The following LRRC57 variants were observed in gnomAD, a reference collection of about 807,000 sequenced individuals.
The protein encoded by LRRC57 is leucine-rich repeat-containing protein 57.
A neutral mutation model predicts 23.1 loss-of-function variants in LRRC57; 14 were observed. That is an observed-to-expected ratio of 0.61 (90% confidence interval 0.40 to 0.95). The LOEUF is 0.95. LRRC57 is among the 40% of genes least tolerant of loss of function. LRRC57 has a pLI of 0.00. For synonymous variants in LRRC57, 106 were observed against 115.2 expected, an observed-to-expected ratio of 0.92 and a Z score of 0.51; for missense variants, 236 against 284.4, an observed-to-expected ratio of 0.83 and a Z score of 1.22.
At position 42,548,182 on chromosome 15, in the gene LRRC57, C is replaced by A. The variant is rs1595541055; in HGVS notation, c.147G>T (p.Lys49Asn). 1 of 1,614,232 alleles carries A rather than the reference C, an allele frequency of 6.2e-7. No homozygotes were observed. The highest frequency in any genetic ancestry group is 8.5e-7 in the Non-Finnish European group (1 of 1,180,042). ...NLRTIDLSNN[K>N]IESLPPLLIG... ...TCAGCAAAGGCGGTAGGCTTTCGAT[C>A]TTGTTGTTGGACAAGTCGATGGTCC... The change falls in exon 3 of 6, where the codon AAG becomes AAT. Residue 49 changes from lysine (K) to asparagine (N), a missense_variant. Transcript: ENST00000397130.
At chr15:42,531,375 A>C in the LRRC57 span, 2 of 1,405,118 alleles carry the variant, frequency 1.4e-6, no homozygotes, top group Non-Finnish European at 1.9e-6. Flanking sequence ...TATTAGAGTT[A>C]CTTACCTTGT....
rs1222041847 is a variant in LRRC57 at position 42,540,197 on chromosome 15, A to AT, written c.*3885_*3886insA. The AT allele has an allele frequency of 6.6e-6, 1 of 150,522 alleles. No individual in the cohort carries two copies. Among genetic ancestry groups the AT allele is most frequent in the African/African-American group, 2.4e-5 (1 of 41,214 alleles). 9.3% of individuals were successfully genotyped at this position (150,522 alleles called of 1,614,324 possible). A position where few individuals can be genotyped will look rare whatever the true frequency, so the allele number is the denominator to read the frequency against. On this transcript the variant is annotated 3_prime_UTR_variant, in exon 6 of 6. Transcript: ENST00000397130. ...GGCAAGAGTGAGCCTCTGGACCAAAAAAAAAAAAAAAAAGGGCATTCCCAA... is the reference window on the plus strand; with the variant it reads ...GGCAAGAGTGAGCCTCTGGACCAAAATAAAAAAAAAAAAAGGGCATTCCCAA...
chr15:42,528,957 T>C, the LRRC57 span, among the ~76,000 whole-genome samples: 2 of 152,308 alleles, frequency 1.3e-5, no homozygotes, highest in South Asian at 2.1e-4. Flanking sequence ...TTCAGTACTT[T>C]CCAAATTATT....
At chr15:42,547,583 T>G in intron 3 of LRRC57, 54 bp from the exon 4 acceptor site, 1 of 1,511,942 alleles carries the variant, frequency 6.6e-7, no homozygotes, top group Non-Finnish European at 9.0e-7. Flanking sequence ...GAAAACAACT[T>G]TGATGAAGTT....
Position 42,541,387 on chromosome 15 carries a change from C to T in LRRC57, c.*2696G>A, listed in dbSNP as rs1330275864. On this transcript the variant is annotated 3_prime_UTR_variant, in exon 6 of 6. Transcript: ENST00000397130. The stretch of plus-strand genomic sequence containing the variant: ...GGTGTGGTGGTGCATGCCTGTAATC[C>T]CAATTACTCAGGAGAATGAGGCACA... 2 of 152,034 alleles carry T rather than the reference C, an allele frequency of 1.3e-5. No individual in the cohort carries two copies. The highest frequency in any genetic ancestry group is 4.8e-5 in the African/African-American group (2 of 41,362). The allele number at this position is 152,034 out of a possible 1,614,324, so 9.4% of individuals were successfully genotyped here. A position where few individuals can be genotyped will look rare whatever the true frequency, so the allele number is the denominator to read the frequency against.
chr15:42,548,027 A>C, intron 3 of LRRC57, 79 bp downstream of exon 3: 1 of 1,521,452 alleles, frequency 6.6e-7, no homozygotes, highest in Middle Eastern at 1.8e-4. Context: ...CATAACAAAA[A>C]CAAAAATCAG....
At chr15:42,547,235 G>T in intron 4 of LRRC57, 26 bp downstream of exon 4, 1 of 1,604,874 alleles carries the variant, frequency 6.2e-7, no homozygotes, top group Non-Finnish European at 8.5e-7. Context: ...ATATGCTGTA[G>T]GAAAAAAAAC....
At chr15:42,535,202 G>C (rs566830576), downstream of LRRC57, among the ~76,000 whole-genome samples, 52 of 152,308 alleles carry the variant, frequency 3.4e-4, no homozygotes, top group South Asian at 9.7e-3. Context: ...ATCAGCACTT[G>C]CTGCTTTATC....
At chr15:42,537,250 C>CACACACACACACACACAT (rs1566823899), downstream of LRRC57, among the ~76,000 whole-genome samples, 1 of 151,436 alleles carries the variant, frequency 6.6e-6, no homozygotes, top group Non-Finnish European at 1.5e-5. Flanking sequence ...CACACACACA[C>CACACACACACACACACAT]ACACACACAC....
chr15:42,535,447 A>AT (rs1163369824), downstream of LRRC57, among the ~76,000 whole-genome samples: 2,048 of 140,768 alleles, frequency 0.015, 38 homozygotes, highest in African/African-American at 0.042. Flanking sequence ...CTGTCTTGGC[A>AT]TTTTTTTTTT....
At chr15:42,548,271 G>GA (rs2057674388) in intron 2 of LRRC57, 27 bp from the exon 3 acceptor site, 2 of 1,614,168 alleles carry the variant, frequency 1.2e-6, no homozygotes, top group East Asian at 4.5e-5. Context: ...ACAGCGTGGG[G>GA]AATCCCGCAC....
intron 5 of LRRC57, among the ~76,000 whole-genome samples, chr15:42,544,842 C>CACACACTATATATATATATATATATA: frequency 1.0e-5 from 1 of 98,048 alleles, no homozygotes; most frequent in African/African-American, 6.6e-5. Flanking sequence ...CACACACACA[C>CACACACTATATATATATATATATATA]TATATATATA....
At chr15:42,534,319 C>T (rs1555381553), downstream of LRRC57, among the ~76,000 whole-genome samples, 11 of 152,018 alleles carry the variant, frequency 7.2e-5, no homozygotes. Flanking sequence ...TTAGTAGAGA[C>T]AGGGTTTCAC....
intron 3 of LRRC57, chr15:42,547,871 T>G (rs1387602253): frequency 1.8e-6 from 1 of 567,066 alleles, no homozygotes; most frequent in East Asian, 3.0e-5. Flanking sequence ...CCCCAAAATG[T>G]TCTTCTCTTT....
the LRRC57 span, chr15:42,529,592 G>A: frequency 4.9e-6 from 7 of 1,416,896 alleles, 1 homozygote; most frequent in Admixed American, 1.5e-4. Flanking sequence ...AGTCATTTTG[G>A]TTACTTACTT....
Position 42,546,433 on chromosome 15 carries a change from G to A in LRRC57, c.492+828C>T, listed in dbSNP as rs115828982. 1.0e-2 allele frequency among the ~76,000 whole-genome samples: 1,510 copies of A among 151,706 alleles called. 33 individuals are homozygous for A. The highest frequency in any genetic ancestry group is 0.035 in the African/African-American group (1,458 of 41,320). ...CCCCAAGAAGCTCTATAACATACAAGAATATCCACTTAAGGTAAAAAAACA... is the reference window on the plus strand; with the variant it reads ...CCCCAAGAAGCTCTATAACATACAAAAATATCCACTTAAGGTAAAAAAACA... On this transcript the variant is annotated intron_variant, in intron 4 of 5. Transcript: ENST00000397130.
At chr15:42,546,406 T>TC (rs891482342) in intron 4 of LRRC57, among the ~76,000 whole-genome samples, 57 of 151,892 alleles carry the variant, frequency 3.8e-4, no homozygotes, top group African/African-American at 1.3e-3. Context: ...GTTTTTTTTT[T>TC]CCCCCAAGAA....
the LRRC57 span, among the ~76,000 whole-genome samples, chr15:42,530,854 A>G: frequency 1.3e-5 from 2 of 152,242 alleles, no homozygotes; most frequent in African/African-American, 2.4e-5. Context: ...GATGGATTTA[A>G]TTGAAACAGT....
Position 42,543,972 on chromosome 15 carries a change from C to T in LRRC57, c.*111G>A. ...AGTGAAATATAATCTCCTGAAGTAT[C>T]ATCTCCTTACTGTAGATACCCCTAA... On this transcript the variant is annotated 3_prime_UTR_variant, in exon 6 of 6. Coordinates refer to ENST00000397130, the MANE Select transcript of LRRC57 (RefSeq NM_153260.3). 3 of 700,846 alleles carry T rather than the reference C, an allele frequency of 4.3e-6. No individual in the cohort carries two copies. The highest frequency in any genetic ancestry group is 1.8e-5 in the African/African-American group (1 of 56,636). The allele number at this position is 700,846 out of a possible 1,614,324, so 43.4% of individuals were successfully genotyped here.
Sources: allele counts gnomAD v4.1 joint callset (sites outside exome capture counted in the v4.1 genomes callset), GRCh38; gene constraint gnomAD v4.1.1; transcripts MANE v1.5; gene names NCBI Gene and HGNC (gene_info 2026-07-23, HGNC 2026-07-21).